SLCO4A1: variants seen among roughly 807,000 people sequenced by gnomAD.
The protein encoded by SLCO4A1 is colon organic anion transporter.
A neutral mutation model predicts 64.6 loss-of-function variants in SLCO4A1; 51 were observed. The observed-to-expected ratio is 0.79, with a 90% CI of 0.63 to 1.00. The LOEUF (loss-of-function observed/expected upper bound fraction) is 1.00. Ranked by LOEUF, SLCO4A1 falls within the 50% of genes least tolerant of loss-of-function variation. The pLI is 0.00. For synonymous variants in SLCO4A1, 471 were observed against 444.9 expected (o/e 1.06, Z -0.74); for missense variants, 919 against 980.5 (o/e 0.94, Z 0.84).
chr20:62,655,567 C>T (rs1983530325), intron 1 of SLCO4A1, among the ~76,000 whole-genome samples: 1 of 152,136 alleles, frequency 6.6e-6, no homozygotes, highest in African/African-American at 2.4e-5. Context: ...TGGTGGGGAA[C>T]AGGGCTGGTG....
At position 62,667,870 on chromosome 20, in the gene SLCO4A1, G is replaced by A; in HGVS notation, c.1598G>A (p.Gly533Glu). 1 of 1,613,830 alleles carries A rather than the reference G, an allele frequency of 6.2e-7. No homozygotes were observed. Among genetic ancestry groups the A allele is most frequent in the Non-Finnish European group, 8.5e-7 (1 of 1,180,036 alleles). ...GLMYFSLCHA[G>E]CPAATETNVD... ...ATGTACTTCTCACTGTGCCACGCAGGGTGCCCTGCAGCCACGGAGACGAAT... is the reference window on the plus strand; with the variant it reads ...ATGTACTTCTCACTGTGCCACGCAGAGTGCCCTGCAGCCACGGAGACGAAT... Residue 533 changes from glycine (G) to glutamate (E), a missense_variant, in exon 8 of 12, where the codon GGG becomes GAG. By Grantham distance (98) the Gly-to-Glu change is moderately conservative. Transcript: ENST00000217159.
At chr20:62,665,225 T>C (rs528067675) in intron 6 of SLCO4A1, 137 bp downstream of exon 6, 1 of 991,120 alleles carries the variant, frequency 1.0e-6, no homozygotes, top group Non-Finnish European at 1.5e-6. Flanking sequence ...CCAGAGCAGG[T>C]GTGGAGAGCG....
intron 1 of SLCO4A1, among the ~76,000 whole-genome samples, chr20:62,654,892 G>GC (rs1244230011): frequency 6.6e-6 from 1 of 152,154 alleles, no homozygotes; most frequent in African/African-American, 2.4e-5. Context: ...TGCAAGGCCG[G>GC]CCCCCCTCGG....
At chr20:62,678,149 G>A (rs755925140) in intron 2 of SLCO4A1, among the ~76,000 whole-genome samples, 14 of 152,240 alleles carry the variant, frequency 9.2e-5, no homozygotes, top group Non-Finnish European at 1.9e-4. Flanking sequence ...GGCAGAAAAC[G>A]TGCAGATGCC....
intron 3 of SLCO4A1, 84 bp from the exon 4 acceptor site, chr20:62,660,328 A>C (rs1984527156): frequency 2.0e-6 from 3 of 1,504,060 alleles, no homozygotes; most frequent in Non-Finnish European, 2.7e-6. Context: ...TGCCCGGAGG[A>C]GGGGCCAGCA....
intron 6 of SLCO4A1, chr20:62,665,425 G>T: frequency 4.2e-6 from 1 of 239,274 alleles, no homozygotes; most frequent in Non-Finnish European, 8.1e-6. Context: ...TGGTGCCTCA[G>T]GACCTCCTGG....
chr20:62,649,145 G>C (rs779927800), intron 1 of SLCO4A1: 1 of 152,326 alleles, frequency 6.6e-6, no homozygotes, highest in Non-Finnish European at 1.5e-5. Flanking sequence ...TGAGTCTGAA[G>C]GCCCAAGAAC....
In SLCO4A1 at chr20:62,661,596, A is replaced by C. The variant is rs1392436033; in HGVS notation, c.1121+421A>C. Reference sequence around the variant, plus strand: ...GACCCTTCCCTCACCATGACCCCCCACACTCTAATTCCCTTTCATCAGGTG... The same window carrying C: ...GACCCTTCCCTCACCATGACCCCCCCCACTCTAATTCCCTTTCATCAGGTG... On this transcript the variant is annotated intron_variant, in intron 5 of 11. Coordinates refer to ENST00000217159, the MANE Select transcript of SLCO4A1 (RefSeq NM_016354.4). The surrounding 1 kb of genome is among the most constrained non-coding windows in gnomAD (Gnocchi z 5.2). Among the ~76,000 whole-genome samples the C allele has an allele frequency of 5.6e-4, 76 of 135,418 alleles. 1 individual carries two copies. Among genetic ancestry groups the C allele is most frequent in the African/African-American group, 1.7e-3 (64 of 36,580 alleles). 88.8% of individuals were successfully genotyped at this position (135,418 alleles called of 152,430 possible).
Position 62,671,775 on chromosome 20 carries a change from T to G in SLCO4A1, c.2051T>G (p.Ile684Arg). The G allele has an allele frequency of 6.2e-7, 1 of 1,613,716 alleles. No individual in the cohort carries two copies. The highest frequency in any genetic ancestry group is 8.5e-7 in the Non-Finnish European group (1 of 1,180,008). ...YKVLGVLFFA[I>R]ACFLYKPLSE... is the part of the protein sequence containing the mutation. ...GTGCTGGGCGTCCTCTTCTTTGCCA[T>G]AGCCTGCTTCTTATACAAGCCCCTG... is the stretch of plus-strand genomic sequence containing the variant. The change falls in exon 12 of 12, where the codon ATA (isoleucine) becomes AGA (arginine). Residue 684 changes from isoleucine (I) to arginine (R), a missense_variant. Ile to Arg is a moderately conservative substitution (Grantham distance 97). Coordinates refer to ENST00000217159, the MANE Select transcript of SLCO4A1 (RefSeq NM_016354.4).
At chr20:62,648,530 C>G (rs1274251568) in intron 1 of SLCO4A1, among the ~76,000 whole-genome samples, 1 of 152,200 alleles carries the variant, frequency 6.6e-6, no homozygotes, top group Non-Finnish European at 1.5e-5. Context: ...GTGGCCGGAG[C>G]CCCAGGGGAG....
downstream of SLCO4A1, among the ~76,000 whole-genome samples, chr20:62,674,822 C>A (rs1987511477): frequency 6.6e-6 from 1 of 152,216 alleles, no homozygotes; most frequent in Admixed American, 6.5e-5. Flanking sequence ...AAGCTCCTCT[C>A]TCCTCTATGT....
Position 62,672,148 on chromosome 20 carries a change from C to T in SLCO4A1, c.*255C>T. On this transcript the variant is annotated 3_prime_UTR_variant, in exon 12 of 12. Coordinates refer to ENST00000217159, the MANE Select transcript of SLCO4A1 (RefSeq NM_016354.4). Reference sequence around the variant, plus strand: ...ACGTGTTTATAGAATGTGTTTTATACCCGATCGTGTGTGGTGTGCGTGAGG... The same window carrying T: ...ACGTGTTTATAGAATGTGTTTTATATCCGATCGTGTGTGGTGTGCGTGAGG... The T allele has an allele frequency of 7.2e-7, 1 of 1,379,596 alleles. No individual in the cohort carries two copies. The highest frequency in any genetic ancestry group is 9.4e-7 in the Non-Finnish European group (1 of 1,061,296). The allele number at this position is 1,379,596 out of a possible 1,614,324, so 85.5% of individuals were successfully genotyped here.
intron 3 of SLCO4A1, 82 bp downstream of exon 3, chr20:62,658,849 T>G: frequency 8.1e-7 from 1 of 1,241,136 alleles, no homozygotes; most frequent in South Asian, 1.3e-5. Flanking sequence ...CAGGGCCCAC[T>G]CTGAGTCAGG....
In SLCO4A1 at chr20:62,664,021, G is replaced by C. The variant is rs187366501; in HGVS notation, c.1122-913G>C. ...CCCAGGGCCTCGTGTGCAGGGACAG[G>C]CAGCCCCGACGCACTGCTGTCGGCC... is the stretch of plus-strand genomic sequence containing the variant. On this transcript the variant is annotated intron_variant, in intron 5 of 11. Coordinates refer to ENST00000217159, the MANE Select transcript of SLCO4A1 (RefSeq NM_016354.4). Among the ~76,000 whole-genome samples the C allele has an allele frequency of 5.9e-5, 9 of 151,804 alleles. No homozygotes were observed. In the East Asian group the frequency reaches 1.6e-3, roughly 26 times the overall value.
rs367770133 is a variant in SLCO4A1, at chr20:62,671,900, C to T, written c.*7C>T. 15 of 1,609,376 alleles carry T rather than the reference C, an allele frequency of 9.3e-6. No individual in the cohort carries two copies. The African/African-American group carries it at 1.5e-4, about 16-fold the overall frequency. Reference sequence around the variant, plus strand: ...GCTCCAGAGCAGCGTCTGACCACCGCCCGCGCCCACCCGGCCACGGCGGGC... The same window carrying T: ...GCTCCAGAGCAGCGTCTGACCACCGTCCGCGCCCACCCGGCCACGGCGGGC... On this transcript the variant is annotated 3_prime_UTR_variant, in exon 12 of 12. Coordinates refer to ENST00000217159, the MANE Select transcript of SLCO4A1 (RefSeq NM_016354.4).
chr20:62,656,932 G>T lies in SLCO4A1; in HGVS notation c.478G>T (p.Val160Phe). The stretch of plus-strand genomic sequence containing the variant: ...TGCCGCCTGCCTCTGCCTCACCTTC[G>T]TCAGCTACTTCGGGGGCTCAGGGCA... ...DIAACLCLTF[V>F]SYFGGSGHKP... Residue 160 changes from valine (V) to phenylalanine (F), a missense_variant, in exon 2 of 12, where the codon GTC becomes TTC. Physicochemically the swap from Val to Phe is conservative, Grantham distance 50. Coordinates refer to ENST00000217159, the MANE Select transcript of SLCO4A1 (RefSeq NM_016354.4). The T allele has an allele frequency of 3.8e-6, 6 of 1,564,856 alleles. No individual in the cohort carries two copies. The highest frequency in any genetic ancestry group is 5.2e-6 in the Non-Finnish European group (6 of 1,149,956).
At chr20:62,660,368 A>C in intron 3 of SLCO4A1, 44 bp from the exon 4 acceptor site, 1 of 1,588,754 alleles carries the variant, frequency 6.3e-7, no homozygotes, top group East Asian at 2.2e-5. Flanking sequence ...TGGAGGGCAC[A>C]GGTGGGCTGC....
chr20:62,661,793 C>T lies in SLCO4A1; in HGVS notation c.1121+618C>T, dbSNP rs551716736. Among the ~76,000 whole-genome samples the T allele has an allele frequency of 3.5e-4, 53 of 151,996 alleles. No homozygotes were observed. In the South Asian group the frequency reaches 5.4e-3, roughly 16 times the overall value. ...CCTTCCCTTTCTGCTGAGTGTGGTC[C>T]GGCCTTGCTTTGCTGTCTTGCTGCA... On this transcript the variant is annotated intron_variant, in intron 5 of 11. Coordinates refer to ENST00000217159, the MANE Select transcript of SLCO4A1 (RefSeq NM_016354.4). The surrounding 1 kb of genome is among the most constrained non-coding windows in gnomAD (Gnocchi z 5.2).
At chr20:62,687,966 C>G (rs377562926), downstream of SLCO4A1, among the ~76,000 whole-genome samples, 48 of 152,186 alleles carry the variant, frequency 3.2e-4, no homozygotes, top group East Asian at 8.2e-3. Flanking sequence ...CACCCCCGGG[C>G]CTTACCCACC....
Sources: gnomAD v4.1 joint callset for allele counts (sites outside exome capture counted in the v4.1 genomes callset) on GRCh38, gnomAD v4.1.1 for gene constraint, Gnocchi (gnomAD v3.1) non-coding constraint, MANE v1.5 for transcripts, NCBI Gene and HGNC (gene_info 2026-07-23, HGNC 2026-07-21) for gene names.